COL14A1: variants seen among roughly 807,000 people sequenced by gnomAD.
The protein encoded by COL14A1 is collagen alpha-1(XIV) chain.
A neutral mutation model predicts 230.3 loss-of-function variants in COL14A1; 136 were observed. That is an observed-to-expected ratio of 0.59 (90% CI 0.51 to 0.68). The LOEUF is 0.68. COL14A1 is among the 30% of genes least tolerant of loss of function. The probability of loss-of-function intolerance (pLI) is 0.00; values close to 1 mark genes in which losing one functional copy is unlikely to be tolerated. For synonymous variants in COL14A1, 792 were observed against 784.1 expected, an observed-to-expected ratio of 1.01 and a Z score of -0.17; for missense variants, 1,976 against 2,215.8, an observed-to-expected ratio of 0.89 and a Z score of 2.17.
chr8:120,263,496 A>T (rs920055370), intron 24 of COL14A1, among the ~76,000 whole-genome samples: 1 of 152,212 alleles, frequency 6.6e-6, no homozygotes, highest in African/African-American at 2.4e-5. Context: ...GATGTGATGC[A>T]CTAAAGGGAA....
chr8:120,372,408 AAT>A lies in COL14A1; in HGVS notation c.*1179_*1180del, dbSNP rs1812190604. On this transcript the variant is annotated 3_prime_UTR_variant, in exon 48 of 48. Transcript: ENST00000297848. ...GCAGAGCAGAAATGAGGTTGAATCT[AAT>A]AGACTCTAACCCTTAAACCATACTT... 6.6e-6 allele frequency among the ~76,000 whole-genome samples: 1 copy of A among 152,222 alleles called. No individual in the cohort carries two copies. Among genetic ancestry groups the A allele is most frequent in the African/African-American group, 2.4e-5 (1 of 41,462 alleles).
chr8:120,141,518 T>C (rs1160234097), intron 1 of COL14A1, among the ~76,000 whole-genome samples: 3 of 151,904 alleles, frequency 2.0e-5, no homozygotes, highest in African/African-American at 7.3e-5. Flanking sequence ...GCAGCCCAGC[T>C]TGGGTGACAG....
chr8:120,229,130 C>A (rs1176413854), intron 18 of COL14A1, among the ~76,000 whole-genome samples: 1 of 112,748 alleles, frequency 8.9e-6, no homozygotes, highest in Non-Finnish European at 1.7e-5. Context: ...TATTATTATA[C>A]TTTAAGTTTT....
intron 8 of COL14A1, among the ~76,000 whole-genome samples, chr8:120,200,273 A>G (rs1396588440): frequency 2.0e-5 from 3 of 152,068 alleles, no homozygotes; most frequent in Non-Finnish European, 4.4e-5. Context: ...CTCTGAAGAC[A>G]TTTGAAATTG....
chr8:120,247,647 C>T lies in COL14A1; in HGVS notation c.2514C>T (p.Ser838=), dbSNP rs147129707. 2.4e-5 allele frequency: 38 copies of T among 1,613,888 alleles called. No individual in the cohort carries two copies. Among genetic ancestry groups the T allele is most frequent in the Admixed American group, 8.3e-5 (5 of 59,982 alleles). Residue 838 remains serine, a synonymous_variant, in exon 21 of 48, where the codon TCC becomes TCT. Transcript: ENST00000297848. ...CGGGGCCCCAGAACTTGCGGGTGTC[C>T]GAGGAATGGTATAACCGGTTGCGCA... ...PSSGPQNLRV[S]EEWYNRLRIT...
intron 33 of COL14A1, among the ~76,000 whole-genome samples, chr8:120,286,745 G>A (rs1186636743): frequency 2.0e-5 from 3 of 152,112 alleles, no homozygotes; most frequent in East Asian, 1.9e-4. Flanking sequence ...TCCTGACCTC[G>A]TGATCCACCT....
At chr8:120,315,704 A>G in intron 39 of COL14A1, 118 bp downstream of exon 39, 1 of 891,732 alleles carries the variant, frequency 1.1e-6, no homozygotes. Flanking sequence ...CATATTAAAG[A>G]CTGCCTGTAT....
intron 23 of COL14A1, among the ~76,000 whole-genome samples, chr8:120,257,448 G>T (rs189203925): frequency 6.6e-6 from 1 of 152,310 alleles, no homozygotes; most frequent in East Asian, 1.9e-4. Flanking sequence ...TTTGATGGAG[G>T]AGTGAGTGTG....
chr8:120,199,580 A>C lies in COL14A1; in HGVS notation c.877+14A>C, dbSNP rs762755575. 1 of 1,605,398 alleles carries C rather than the reference A, an allele frequency of 6.2e-7. No individual in the cohort carries two copies. Among genetic ancestry groups the C allele is most frequent in the African/African-American group, 1.3e-5 (1 of 74,404 alleles). The stretch of plus-strand genomic sequence containing the variant: ...TGTTTGCCATAGGTATGTGCTCTTT[A>C]TAGTCTTGTTTCAACTAAGGGCATA... On this transcript the variant is annotated intron_variant, in intron 8 of 47. Coordinates refer to ENST00000297848, the MANE Select transcript of COL14A1 (RefSeq NM_021110.4).
chr8:120,207,200 C>T, intron 10 of COL14A1, 106 bp downstream of exon 10: 1 of 1,024,226 alleles, frequency 9.8e-7, no homozygotes, highest in East Asian at 2.9e-5. Context: ...CCGTCACAGA[C>T]ATTTTAAAGA....
intron 45 of COL14A1, among the ~76,000 whole-genome samples, chr8:120,366,044 C>T (rs1483134278): frequency 6.6e-6 from 1 of 152,192 alleles, no homozygotes; most frequent in East Asian, 1.9e-4. Context: ...TAGTTCCTCA[C>T]CGGAGTCTTC....
At chr8:120,227,198 T>C (rs757768607) in intron 16 of COL14A1, 22 bp from the exon 17 acceptor site, 26 of 1,612,044 alleles carry the variant, frequency 1.6e-5, no homozygotes, top group Non-Finnish European at 1.9e-5. Flanking sequence ...GCATAGTTAC[T>C]AAGCACCAAA....
At chr8:120,165,687 CT>C (rs1815843579) in intron 4 of COL14A1, among the ~76,000 whole-genome samples, 1 of 152,016 alleles carries the variant, frequency 6.6e-6, no homozygotes, top group Non-Finnish European at 1.5e-5. Context: ...GTTATTTTTT[CT>C]TGTTTATTTA....
intron 2 of COL14A1, among the ~76,000 whole-genome samples, chr8:120,153,773 A>G (rs1815371417): frequency 1.3e-5 from 2 of 152,238 alleles, no homozygotes; most frequent in South Asian, 4.1e-4. Context: ...GTAAAAGTAA[A>G]TAATCAAGCT....
intron 8 of COL14A1, among the ~76,000 whole-genome samples, chr8:120,202,168 A>G (rs1200941793): frequency 6.6e-6 from 1 of 152,162 alleles, no homozygotes; most frequent in East Asian, 1.9e-4. Context: ...ACTAATTTAT[A>G]TGTTTATTCT....
intron 37 of COL14A1, among the ~76,000 whole-genome samples, chr8:120,312,363 C>G (rs1291872343): frequency 6.6e-6 from 1 of 152,118 alleles, no homozygotes; most frequent in Non-Finnish European, 1.5e-5. Flanking sequence ...TGAAAATTCT[C>G]TCATAAAAGT....
intron 46 of COL14A1, 128 bp from the exon 47 acceptor site, chr8:120,369,202 G>A: frequency 2.3e-6 from 2 of 885,006 alleles, no homozygotes; most frequent in Non-Finnish European, 3.2e-6. Context: ...AACTCAATGA[G>A]TAGAAAGAGG....
chr8:120,208,666 T>G (rs1221218358), intron 11 of COL14A1, among the ~76,000 whole-genome samples: 1 of 152,212 alleles, frequency 6.6e-6, no homozygotes, highest in Non-Finnish European at 1.5e-5. Flanking sequence ...TATTATGAAC[T>G]AAGAATTGTC....
chr8:120,341,450 T>C, intron 43 of COL14A1, 90 bp downstream of exon 43: 1 of 1,325,454 alleles, frequency 7.5e-7, no homozygotes, highest in Non-Finnish European at 1.1e-6. Flanking sequence ...TTTAATACCA[T>C]TAATATTCAT....
Sources: gnomAD v4.1 joint callset for allele counts (sites outside exome capture counted in the v4.1 genomes callset) on GRCh38, gnomAD v4.1.1 for gene constraint, MANE v1.5 for transcripts, NCBI Gene and HGNC (gene_info 2026-07-23, HGNC 2026-07-21) for gene names.